AP2A2: variants seen among roughly 807,000 people sequenced by gnomAD.
AP2A2 encodes the protein AP-2 complex subunit alpha-2.
Under a neutral mutation model 104.2 loss-of-function variants are expected in AP2A2, and 32 were observed. The ratio of observed to expected loss-of-function variants is 0.31; its 90% CI spans 0.23 to 0.41. AP2A2 has a LOEUF of 0.41. Ranked by LOEUF, AP2A2 falls within the 10% of genes least tolerant of loss-of-function variation. The probability of loss-of-function intolerance (pLI) is 1.00; values close to 1 mark genes in which losing one functional copy is unlikely to be tolerated. For synonymous variants in AP2A2, 539 were observed against 533.3 expected (o/e 1.01, Z -0.15); for missense variants, 912 against 1,261.0 (o/e 0.72, Z 4.19).
At chr11:952,806 T>G (rs947191251) in intron 1 of AP2A2, among the ~76,000 whole-genome samples, 12 of 152,190 alleles carry the variant, frequency 7.9e-5, no homozygotes, top group Non-Finnish European at 1.6e-4. Context: ...CCGCTTCTCC[T>G]CAAGCTAATT....
chr11:985,405 T>C (rs1033191537), intron 7 of AP2A2, 30 bp from the exon 8 acceptor site: 31 of 1,599,462 alleles, frequency 1.9e-5, no homozygotes, highest in Non-Finnish European at 2.6e-5. Flanking sequence ...CACTGGAGAC[T>C]GGTGAGCACC....
chr11:995,437 G>A, intron 14 of AP2A2: 1 of 455,616 alleles, frequency 2.2e-6, no homozygotes, highest in South Asian at 1.5e-5. Flanking sequence ...GGGTCAGGCG[G>A]GCTTTCTGTT....
At chr11:964,856 G>C (rs1478279545) in intron 2 of AP2A2, among the ~76,000 whole-genome samples, 1 of 124,842 alleles carries the variant, frequency 8.0e-6, no homozygotes, top group Admixed American at 8.8e-5. Context: ...ATCCCAGATG[G>C]AAGCGTGGAG....
At chr11:977,680 C>T (rs1273469873) in intron 5 of AP2A2, among the ~76,000 whole-genome samples, 1 of 151,622 alleles carries the variant, frequency 6.6e-6, no homozygotes, top group African/African-American at 2.4e-5. Context: ...CTGTGAGAGG[C>T]ACGTGTGGGG....
At chr11:938,587 G>A (rs1853542426) in intron 1 of AP2A2, among the ~76,000 whole-genome samples, 2 of 151,148 alleles carry the variant, frequency 1.3e-5, no homozygotes, top group Non-Finnish European at 1.5e-5. Flanking sequence ...CCATTCTCCT[G>A]CCTCAGCCTC....
At chr11:953,618 GCTCCGTCTGC>G (rs55712745) in intron 1 of AP2A2, among the ~76,000 whole-genome samples, 68,718 of 149,726 alleles carry the variant, frequency 0.46, 16,918 homozygotes, top group Middle Eastern at 0.64. Context: ...CTCCGTCCTG[GCTCCGTCTGC>G]CTCCGTCTGC....
intron 1 of AP2A2, among the ~76,000 whole-genome samples, 184 bp downstream of exon 1, chr11:926,272 G>T (rs1804597165): frequency 6.8e-6 from 1 of 146,556 alleles, no homozygotes; most frequent in East Asian, 2.1e-4. Flanking sequence ...TGGGGGCCAG[G>T]GTGCGGGGTG....
At chr11:964,938 G>A (rs1854565004) in intron 2 of AP2A2, among the ~76,000 whole-genome samples, 12 of 95,316 alleles carry the variant, frequency 1.3e-4, no homozygotes, top group African/African-American at 4.2e-4. Context: ...GGAAAGCATG[G>A]AACGGGCGGG....
At chr11:1,010,036 G>C (rs1447765786) in intron 21 of AP2A2, 7 of 562,316 alleles carry the variant, frequency 1.2e-5, no homozygotes, top group African/African-American at 1.9e-5. Context: ...GACAGATGTT[G>C]TGTGCCTGTT....
chr11:985,415 C>G lies in AP2A2; in HGVS notation c.815-20C>G. On this transcript the variant is annotated intron_variant, in intron 7 of 21. Transcript: ENST00000448903. ...CGGGCCACTGGAGACTGGTGAGCAC[C>G]GTTCTGTCTTGCCCAGAAGACCCTG... 1 of 1,609,492 alleles carries G rather than the reference C, an allele frequency of 6.2e-7. No individual in the cohort carries two copies. The highest frequency in any genetic ancestry group is 1.1e-5 in the South Asian group (1 of 90,882).
intron 1 of AP2A2, among the ~76,000 whole-genome samples, chr11:938,961 A>G (rs1045077470): frequency 3.3e-5 from 5 of 152,030 alleles, no homozygotes; most frequent in Admixed American, 2.0e-4. Flanking sequence ...AAGTTAAAGA[A>G]TGTAGTTTAA....
chr11:1,006,176 G>A (rs1027112447), intron 16 of AP2A2, among the ~76,000 whole-genome samples: 6 of 152,232 alleles, frequency 3.9e-5, no homozygotes, highest in African/African-American at 1.4e-4. Flanking sequence ...TGCTTGGCAG[G>A]CCCCTCCAGC....
At position 992,523 on chromosome 11, in the gene AP2A2, G is replaced by C. The variant is rs1420574953; in HGVS notation, c.1290G>C (p.Leu430=). ...CACAGGTGCTGAAGGTCGCCATCCTGGCTGAGAAGTACGCGGTGGACTACA... is the reference window on the plus strand; with the variant it reads ...CACAGGTGCTGAAGGTCGCCATCCTCGCTGAGAAGTACGCGGTGGACTACA... ...REEIVLKVAI[L]AEKYAVDYTW... Residue 430 remains leucine (L), a synonymous_variant, in exon 11 of 22, where the codon CTG becomes CTC. Coordinates refer to ENST00000448903, the MANE Select transcript of AP2A2 (RefSeq NM_012305.4). The surrounding 1 kb of genome is among the most constrained non-coding windows in gnomAD (Gnocchi z 6.4). The C allele has an allele frequency of 3.7e-6, 6 of 1,601,656 alleles. No individual in the cohort carries two copies. Among genetic ancestry groups the C allele is most frequent in the Non-Finnish European group, 5.1e-6 (6 of 1,174,296 alleles).
At chr11:994,320 G>C in intron 14 of AP2A2, 75 bp downstream of exon 14, 1 of 1,561,374 alleles carries the variant, frequency 6.4e-7, no homozygotes, top group South Asian at 1.2e-5. Context: ...CAGAGCATTT[G>C]CCTGTCAGGG....
At chr11:977,048 C>T (rs187108877) in intron 4 of AP2A2, 47 bp from the exon 5 acceptor site, 41 of 1,609,990 alleles carry the variant, frequency 2.5e-5, no homozygotes, top group Admixed American at 1.8e-4. Context: ...TGCAGCTCTG[C>T]GCTGTCTTCA....
intron 1 of AP2A2, among the ~76,000 whole-genome samples, chr11:952,412 A>AT (rs1854081978): frequency 6.6e-6 from 1 of 152,228 alleles, no homozygotes; most frequent in African/African-American, 2.4e-5. Flanking sequence ...AATTGTAAAA[A>AT]TTCAAGAGCT....
At chr11:970,343 G>T (rs1342511600) in intron 3 of AP2A2, 32 bp downstream of exon 3, 1 of 1,607,516 alleles carries the variant, frequency 6.2e-7, no homozygotes, top group East Asian at 2.2e-5. Flanking sequence ...GACGGCAGAG[G>T]ATGGCGTGGG....
chr11:1,003,281 C>A (rs1435715208), intron 15 of AP2A2, among the ~76,000 whole-genome samples: 14 of 152,192 alleles, frequency 9.2e-5, no homozygotes, highest in Admixed American at 9.2e-4. Context: ...GGGTGGATGG[C>A]TGGGTGCCCG....
intron 4 of AP2A2, among the ~76,000 whole-genome samples, chr11:973,498 A>G (rs766840281): frequency 1.6e-4 from 24 of 152,230 alleles, no homozygotes; most frequent in Non-Finnish European, 2.6e-4. Flanking sequence ...GCAAGAGCTC[A>G]GAGATGGGTG....
Sources: allele counts gnomAD v4.1 joint callset (sites outside exome capture counted in the v4.1 genomes callset), GRCh38; gene constraint gnomAD v4.1.1; non-coding constraint Gnocchi (gnomAD v3.1); transcripts MANE v1.5; gene names NCBI Gene and HGNC (gene_info 2026-07-23, HGNC 2026-07-21).